The following EMILIN2 variants were observed in gnomAD, a reference collection of about 807,000 sequenced individuals.
EMILIN2 encodes EMILIN-2.
EMILIN2 carries 71 observed loss-of-function variants against 87.1 expected under a neutral mutation model. That is an observed-to-expected ratio of 0.82 (90% confidence interval 0.67 to 0.99). EMILIN2 has a LOEUF of 0.99. Ranked by LOEUF, EMILIN2 falls within the 50% of genes least tolerant of loss-of-function variation. EMILIN2 has a pLI of 0.00. For missense variants in EMILIN2, 1,407 were observed against 1,371.8 expected (o/e 1.03, Z -0.40); for synonymous variants, 581 against 563.4 (o/e 1.03, Z -0.44).
chr18:2,911,048 G>A (rs561826186), intron 7 of EMILIN2, among the ~76,000 whole-genome samples: 316 of 152,308 alleles, frequency 2.1e-3, no homozygotes, highest in Non-Finnish European at 3.8e-3. Flanking sequence ...CTCAATGCTT[G>A]CCTCCTCAGA....
At chr18:2,855,846 C>T (rs1358320627) in intron 2 of EMILIN2, among the ~76,000 whole-genome samples, 5 of 152,130 alleles carry the variant, frequency 3.3e-5, no homozygotes, top group African/African-American at 1.2e-4. Context: ...TTAAAAATTG[C>T]GCTGTCACAC....
intron 2 of EMILIN2, among the ~76,000 whole-genome samples, chr18:2,878,473 G>C (rs2076760715): frequency 6.6e-6 from 1 of 151,136 alleles, no homozygotes. Flanking sequence ...CTGGGCAACA[G>C]AGTGAGACTC....
intron 2 of EMILIN2, among the ~76,000 whole-genome samples, chr18:2,864,203 G>T (rs1307552240): frequency 6.6e-6 from 1 of 152,168 alleles, no homozygotes; most frequent in Admixed American, 6.5e-5. Flanking sequence ...TTTAATTGGA[G>T]CATTTAGCCC....
chr18:2,858,560 T>G lies in EMILIN2; in HGVS notation c.257+10629T>G, dbSNP rs1441700491. The stretch of plus-strand genomic sequence containing the variant: ...ATATATATATATATATATATATATA[T>G]ATATATATATGTGTGTGTGTGTGTA... On this transcript the variant is annotated intron_variant, in intron 2 of 7. Coordinates refer to ENST00000254528, the MANE Select transcript of EMILIN2 (RefSeq NM_032048.3). Among the ~76,000 whole-genome samples the G allele has an allele frequency of 2.0e-3, 153 of 76,424 alleles. 10 individuals are homozygous for G. The East Asian group carries it at 0.078, about 39-fold the overall frequency. 50.1% of individuals were successfully genotyped at this position (76,424 alleles called of 152,430 possible). A position where few individuals can be genotyped will look rare whatever the true frequency, so the allele number is the denominator to read the frequency against.
chr18:2,906,102 C>T (rs1330012783), intron 4 of EMILIN2: 1 of 152,158 alleles, frequency 6.6e-6, no homozygotes, highest in Non-Finnish European at 1.5e-5. Flanking sequence ...CAGCCAGGCC[C>T]GGGTATTGTC....
At chr18:2,846,296 T>C (rs913189791), upstream of EMILIN2, among the ~76,000 whole-genome samples, 2 of 152,348 alleles carry the variant, frequency 1.3e-5, no homozygotes, top group African/African-American at 4.8e-5. The surrounding 1 kb of genome is among the most constrained non-coding windows in gnomAD (Gnocchi z 5.3). Flanking sequence ...TGCCTTAGTT[T>C]CAATAGAAAA....
Position 2,891,273 on chromosome 18 carries a change from C to A in EMILIN2, c.1146C>A (p.Asn382Lys). 19 of 1,614,170 alleles carry A rather than the reference C, an allele frequency of 1.2e-5. No homozygotes were observed. The highest frequency in any genetic ancestry group is 1.5e-5 in the Non-Finnish European group (18 of 1,180,046). The change falls in exon 4 of 8, where the codon AAC becomes AAA. Residue 382 changes from asparagine to lysine, a missense_variant. Coordinates refer to ENST00000254528, the MANE Select transcript of EMILIN2 (RefSeq NM_032048.3). The surrounding 1 kb of genome is among the most constrained non-coding windows in gnomAD (Gnocchi z 4.6). ...CAAGCCTGAGAAAAGAAATAAATAA[C>A]CTCCGAGCCCGGCTACAGGAGCCTT... ...KETSLRKEIN[N>K]LRARLQEPSA...
intron 3 of EMILIN2, among the ~76,000 whole-genome samples, chr18:2,889,108 T>TCTTTC (rs2076818287): frequency 6.7e-6 from 1 of 150,348 alleles, no homozygotes; most frequent in Non-Finnish European, 1.5e-5. Flanking sequence ...TTTTTCTTTT[T>TCTTTC]CTTTCCTTTT....
rs2076586790 is a variant in EMILIN2, at chr18:2,848,344, T to C, written c.257+413T>C. On this transcript the variant is annotated intron_variant, in intron 2 of 7. Coordinates refer to ENST00000254528, the MANE Select transcript of EMILIN2 (RefSeq NM_032048.3). This position sits in a 1 kb window ranked among gnomAD's most constrained non-coding sequence, Gnocchi z 4.1. ...AAAGACTATTCCGTATAGGATTCGC[T>C]GAGAGGTTTGGCTAAGTAGTGTTCT... Among the ~76,000 whole-genome samples, 1 of 152,224 alleles carries C rather than the reference T, an allele frequency of 6.6e-6. No homozygotes were observed. Among genetic ancestry groups the C allele is most frequent in the Non-Finnish European group, 1.5e-5 (1 of 68,028 alleles).
chr18:2,902,696 A>G (rs935083251), intron 4 of EMILIN2, among the ~76,000 whole-genome samples: 1 of 152,228 alleles, frequency 6.6e-6, no homozygotes, highest in Admixed American at 6.5e-5. Context: ...GTGGAGAACA[A>G]TGGAAGATTT....
chr18:2,870,056 C>G (rs184030203), intron 2 of EMILIN2, among the ~76,000 whole-genome samples: 25 of 152,064 alleles, frequency 1.6e-4, no homozygotes, highest in Non-Finnish European at 3.1e-4. Flanking sequence ...GCCTGGGCAA[C>G]ATGGCAAAAC....
intron 2 of EMILIN2, among the ~76,000 whole-genome samples, chr18:2,882,483 TGGC>T (rs1383829561): frequency 2.0e-5 from 3 of 152,204 alleles, no homozygotes; most frequent in African/African-American, 7.2e-5. Flanking sequence ...CCGGGTGTGG[TGGC>T]TCATGCCTGT....
rs1189212936 is a variant in EMILIN2 at position 2,915,402 on chromosome 18, C to G, written c.*1998C>G. 1.3e-5 allele frequency: 2 copies of G among 152,214 alleles called. No individual in the cohort carries two copies. Among genetic ancestry groups the G allele is most frequent in the African/African-American group, 4.8e-5 (2 of 41,446 alleles). The allele number at this position is 152,214 out of a possible 1,614,324, so 9.4% of individuals were successfully genotyped here. On this transcript the variant is annotated 3_prime_UTR_variant, in exon 8 of 8. Transcript: ENST00000254528. Reference sequence around the variant, plus strand: ...ACAGGTAGTAGAACAACAAGGTCAGCTGAGCTTAAGGCTGTGGGGTTCGAA... The same window carrying G: ...ACAGGTAGTAGAACAACAAGGTCAGGTGAGCTTAAGGCTGTGGGGTTCGAA...
At chr18:2,852,018 A>G (rs2076604149) in intron 2 of EMILIN2, among the ~76,000 whole-genome samples, 1 of 152,196 alleles carries the variant, frequency 6.6e-6, no homozygotes. Context: ...CTCTATAGCA[A>G]TGCAGAATGT....
At position 2,863,966 on chromosome 18, in the gene EMILIN2, A is replaced by G. The variant is rs539110765; in HGVS notation, c.257+16035A>G. Among the ~76,000 whole-genome samples the G allele has an allele frequency of 2.2e-3, 332 of 152,144 alleles. 3 individuals carry two copies. Among genetic ancestry groups the G allele is most frequent in the African/African-American group, 7.7e-3 (319 of 41,508 alleles). Reference sequence around the variant, plus strand: ...TTCTTGTTGAATTGATCCCTTTACCATTATGTAATGGCCTTCTTTGTCTCT... The same window carrying G: ...TTCTTGTTGAATTGATCCCTTTACCGTTATGTAATGGCCTTCTTTGTCTCT... On this transcript the variant is annotated intron_variant, in intron 2 of 7. Coordinates refer to ENST00000254528, the MANE Select transcript of EMILIN2 (RefSeq NM_032048.3).
chr18:2,882,575 T>C (rs1035911696), intron 2 of EMILIN2, among the ~76,000 whole-genome samples: 3 of 150,872 alleles, frequency 2.0e-5, no homozygotes, highest in Non-Finnish European at 4.4e-5. Context: ...TGAGACCCTA[T>C]CTCTTAAAAA....
chr18:2,847,530 C>A lies in EMILIN2; in HGVS notation c.134+208C>A, dbSNP rs1245376361. Among the ~76,000 whole-genome samples the A allele has an allele frequency of 6.6e-6, 1 of 152,162 alleles. No homozygotes were observed. Among genetic ancestry groups the A allele is most frequent in the East Asian group, 1.9e-4 (1 of 5,154 alleles). On this transcript the variant is annotated intron_variant, in intron 1 of 7. Transcript: ENST00000254528. The surrounding 1 kb of genome is among the most constrained non-coding windows in gnomAD (Gnocchi z 4.5). Reference sequence around the variant, plus strand: ...CCGGGGGCGTGGGCGCAGAGAGCGTCCCGCAGACCCGGGCGATCCGAAAAC... The same window carrying A: ...CCGGGGGCGTGGGCGCAGAGAGCGTACCGCAGACCCGGGCGATCCGAAAAC...
At position 2,847,971 on chromosome 18, in the gene EMILIN2, G is replaced by A. The variant is rs778282756; in HGVS notation, c.257+40G>A. On this transcript the variant is annotated intron_variant, in intron 2 of 7. Coordinates refer to ENST00000254528, the MANE Select transcript of EMILIN2 (RefSeq NM_032048.3). This position sits in a 1 kb window ranked among gnomAD's most constrained non-coding sequence, Gnocchi z 4.5. Reference sequence around the variant, plus strand: ...CGGGGAGCGGGCGGGGCGCGCCCGGGCCGGGGCGGTGGGGGTGGGGTGGGG... The same window carrying A: ...CGGGGAGCGGGCGGGGCGCGCCCGGACCGGGGCGGTGGGGGTGGGGTGGGG... The A allele has an allele frequency of 1.9e-6, 3 of 1,551,058 alleles. No homozygotes were observed. The highest frequency in any genetic ancestry group is 8.7e-7 in the Non-Finnish European group (1 of 1,151,378).
At chr18:2,876,658 C>G (rs1440924458) in intron 2 of EMILIN2, among the ~76,000 whole-genome samples, 1 of 148,702 alleles carries the variant, frequency 6.7e-6, no homozygotes, top group Non-Finnish European at 1.5e-5. Flanking sequence ...CCCAGCTACT[C>G]GGGAGGCTGA....
Sources: gnomAD v4.1 joint callset for allele counts (sites outside exome capture counted in the v4.1 genomes callset) on GRCh38, gnomAD v4.1.1 for gene constraint, Gnocchi (gnomAD v3.1) non-coding constraint, MANE v1.5 for transcripts, NCBI Gene and HGNC (gene_info 2026-07-23, HGNC 2026-07-21) for gene names.